Variants in ZNF37A observed in about 807,000 individuals in gnomAD.
ZNF37A encodes the protein zinc finger protein 37a (KOX 21).
Under a neutral mutation model 12.3 loss-of-function variants are expected in ZNF37A, and 10 were observed. The ratio of observed to expected loss-of-function variants is 0.82; its 90% confidence interval spans 0.50 to 1.38. The LOEUF (loss-of-function observed/expected upper bound fraction) is 1.38. Among genes scored for constraint, ZNF37A ranks in the 40% most tolerant of loss-of-function variants. The pLI is 0.00. For missense variants in ZNF37A, 580 were observed against 651.2 expected, an observed-to-expected ratio of 0.89 and a Z score of 1.19; for synonymous variants, 207 against 223.0, an observed-to-expected ratio of 0.93 and a Z score of 0.64.
intron 5 of ZNF37A, among the ~76,000 whole-genome samples, chr10:38,104,799 CAT>C (rs1191901811): frequency 1.3e-5 from 2 of 152,102 alleles, no homozygotes; most frequent in Non-Finnish European, 2.9e-5. Context: ...CAGAAATACA[CAT>C]GTGTACACCT....
chr10:38,110,529 A>G (rs1196864860), intron 5 of ZNF37A, among the ~76,000 whole-genome samples: 1 of 152,248 alleles, frequency 6.6e-6, no homozygotes, highest in Non-Finnish European at 1.5e-5. Flanking sequence ...AAAAGAAACT[A>G]TCATCAGAGT....
At chr10:38,142,488 T>C (rs754146256) in intron 7 of ZNF37A, 5 of 152,166 alleles carry the variant, frequency 3.3e-5, no homozygotes, top group Non-Finnish European at 2.9e-5. Flanking sequence ...CATTGTTCTC[T>C]ACATGGGGGT....
chr10:38,139,737 T>C (rs1244353172), intron 7 of ZNF37A: 2 of 152,212 alleles, frequency 1.3e-5, no homozygotes, highest in East Asian at 1.9e-4. Context: ...TTACTATTTT[T>C]CTTCCTTCAA....
chr10:38,102,747 A>C (rs1396654608), intron 5 of ZNF37A, among the ~76,000 whole-genome samples: 1 of 152,126 alleles, frequency 6.6e-6, no homozygotes, highest in African/African-American at 2.4e-5. Flanking sequence ...TCTAGTACTA[A>C]CACATTCTCT....
At chr10:38,130,243 T>A (rs1007712317), downstream of ZNF37A, among the ~76,000 whole-genome samples, 1 of 152,244 alleles carries the variant, frequency 6.6e-6, no homozygotes. Context: ...TTCCTTTGCA[T>A]GTTCATACCA....
chr10:38,146,748 T>C (rs565627147), exon 8 of ZNF37A: 211 of 398,548 alleles, frequency 5.3e-4, no homozygotes, highest in Non-Finnish European at 7.2e-4. Context: ...CAAGGCTGAC[T>C]TCAGGACCTG....
At chr10:38,134,129 G>A (rs185112061) in intron 7 of ZNF37A, among the ~76,000 whole-genome samples, 15 of 152,252 alleles carry the variant, frequency 9.9e-5, no homozygotes, top group African/African-American at 3.1e-4. Context: ...ATGGTTTTCA[G>A]CTCCATCAGA....
chr10:38,131,236 A>T (rs755154485), intron 7 of ZNF37A, among the ~76,000 whole-genome samples: 1 of 152,112 alleles, frequency 6.6e-6, no homozygotes, highest in Non-Finnish European at 1.5e-5. Context: ...CAATTTTTTC[A>T]TTCTGTTGTC....
exon 8 of ZNF37A, chr10:38,147,822 C>G (rs572567020): frequency 6.6e-6 from 1 of 152,168 alleles, no homozygotes; most frequent in Non-Finnish European, 1.5e-5. Flanking sequence ...ATCTTTTATT[C>G]ATCATTTGGA....
At chr10:38,129,316 A>AAAAAAAAAAAAAAAC (rs1432210552), downstream of ZNF37A, among the ~76,000 whole-genome samples, 8 of 142,426 alleles carry the variant, frequency 5.6e-5, no homozygotes, top group Non-Finnish European at 9.2e-5. Context: ...AAAAAAAAAA[A>AAAAAAAAAAAAAAAC]AAAAAACTAT....
At chr10:38,126,560 A>C (rs568334192), downstream of ZNF37A, among the ~76,000 whole-genome samples, 2 of 152,328 alleles carry the variant, frequency 1.3e-5, no homozygotes, top group South Asian at 4.1e-4. Flanking sequence ...CATTTGTTCT[A>C]CTTGATCCTC....
At chr10:38,140,643 A>G (rs1435339144) in intron 7 of ZNF37A, 4 of 152,242 alleles carry the variant, frequency 2.6e-5, no homozygotes, top group Non-Finnish European at 5.9e-5. Context: ...GGGTTAGGAC[A>G]CACTATTGCT....
chr10:38,136,532 T>C (rs2070110136), intron 7 of ZNF37A, among the ~76,000 whole-genome samples: 1 of 152,224 alleles, frequency 6.6e-6, no homozygotes, highest in African/African-American at 2.4e-5. Context: ...ATAATATCAC[T>C]GATGGTTTGT....
chr10:38,149,901 A>AT (rs1397664110), exon 8 of ZNF37A: 1 of 152,110 alleles, frequency 6.6e-6, no homozygotes, highest in Non-Finnish European at 1.5e-5. Flanking sequence ...TTAGTGAACT[A>AT]TTTGCTCTTC....
downstream of ZNF37A, among the ~76,000 whole-genome samples, chr10:38,125,698 T>C (rs1205546975): frequency 3.3e-5 from 5 of 152,314 alleles, no homozygotes; most frequent in African/African-American, 7.2e-5. Flanking sequence ...AATTTTCCTA[T>C]ACAATTGATG....
intron 7 of ZNF37A, chr10:38,137,188 T>G (rs2070118341): frequency 6.6e-6 from 1 of 152,214 alleles, no homozygotes; most frequent in Admixed American, 6.5e-5. Flanking sequence ...TACTTTCCCC[T>G]TTTTTATGCC....
intron 7 of ZNF37A, among the ~76,000 whole-genome samples, chr10:38,131,847 C>T (rs568250189): frequency 1.1e-4 from 17 of 152,168 alleles, no homozygotes; most frequent in African/African-American, 3.9e-4. Flanking sequence ...AAGTTTTTAA[C>T]CTCCTTAAAT....
In ZNF37A at chr10:38,121,590, A is replaced by C. The variant is rs1471171560; in HGVS notation, c.*2753A>C. 2.6e-5 allele frequency: 4 copies of C among 152,346 alleles called. No individual in the cohort carries two copies. The highest frequency in any genetic ancestry group is 4.4e-5 in the Non-Finnish European group (3 of 68,048). The allele number at this position is 152,346 out of a possible 1,614,324, so 9.4% of individuals were successfully genotyped here. A position where few individuals can be genotyped will look rare whatever the true frequency, so the allele number is the denominator to read the frequency against. ...GTTGAGAGATTGGTAACACTGAGCA[A>C]ATAAATATGTTGAGAATGATGACAG... On this transcript the variant is annotated 3_prime_UTR_variant, in exon 8 of 8. Coordinates refer to ENST00000685332, the MANE Select transcript of ZNF37A (RefSeq NM_001324250.3).
Position 38,107,822 on chromosome 10 carries a change from A to G in ZNF37A, c.16-6933A>G, listed in dbSNP as rs536411839. The stretch of plus-strand genomic sequence containing the variant: ...AGCTAACGACCCTAAATATATATGC[A>G]CCCAATACAGGAGCACCCAGATTCA... On this transcript the variant is annotated intron_variant, in intron 5 of 7. Transcript: ENST00000685332. Among the ~76,000 whole-genome samples, 7 of 152,330 alleles carry G rather than the reference A, an allele frequency of 4.6e-5. 1 individual carries two copies. The South Asian group carries it at 1.5e-3, about 32-fold the overall frequency.
Sources: allele counts gnomAD v4.1 joint callset (sites outside exome capture counted in the v4.1 genomes callset), GRCh38; gene constraint gnomAD v4.1.1; transcripts MANE v1.5; gene names NCBI Gene and HGNC (gene_info 2026-07-23, HGNC 2026-07-21).